Variants in DRC11 observed in about 807,000 individuals in gnomAD.
DRC11 encodes dynein regulatory complex subunit 11.
chr2:236,316,438 C>T, the DRC11 span, among the ~76,000 whole-genome samples: 1 of 152,200 alleles, frequency 6.6e-6, no homozygotes, highest in African/African-American at 2.4e-5. This position sits in a 1 kb window ranked among gnomAD's most constrained non-coding sequence, Gnocchi z 6.8. Flanking sequence ...GCTGGGATTA[C>T]AGGCATGAGC....
At chr2:236,494,161 T>C in the DRC11 span, among the ~76,000 whole-genome samples, 667 of 152,232 alleles carry the variant, frequency 4.4e-3, 7 homozygotes, top group African/African-American at 0.015. This position sits in a 1 kb window ranked among gnomAD's most constrained non-coding sequence, Gnocchi z 4.2. Flanking sequence ...TAACTAATGA[T>C]TACTTAATAG....
chr2:236,364,112 T>G, the DRC11 span: 1 of 737,720 alleles, frequency 1.4e-6, no homozygotes, highest in Non-Finnish European at 2.2e-6. Flanking sequence ...GTCCAAAGCA[T>G]TTCAAACCAG....
the DRC11 span, among the ~76,000 whole-genome samples, chr2:236,374,108 G>A: frequency 6.6e-6 from 1 of 152,080 alleles, no homozygotes; most frequent in Non-Finnish European, 1.5e-5. Flanking sequence ...ATTGCTCTCT[G>A]GTTATTTTGG....
At chr2:236,502,548 CA>C in the DRC11 span, among the ~76,000 whole-genome samples, 26 of 15,072 alleles carry the variant, frequency 1.7e-3, no homozygotes, top group Non-Finnish European at 4.2e-3. Context: ...TGCACTCCAG[CA>C]AAAAAAAAAA....
At chr2:236,456,539 G>A in the DRC11 span, among the ~76,000 whole-genome samples, 2 of 152,166 alleles carry the variant, frequency 1.3e-5, no homozygotes, top group African/African-American at 2.4e-5. This position sits in a 1 kb window ranked among gnomAD's most constrained non-coding sequence, Gnocchi z 5.4. Flanking sequence ...TCAAGCCCCC[G>A]AGTTTTCCCA....
chr2:236,470,458 C>G, the DRC11 span, among the ~76,000 whole-genome samples: 3 of 152,138 alleles, frequency 2.0e-5, no homozygotes, highest in African/African-American at 7.2e-5. This position sits in a 1 kb window ranked among gnomAD's most constrained non-coding sequence, Gnocchi z 5.1. Context: ...CATTAGGAAG[C>G]ACTTAGAGGC....
At chr2:236,361,544 TAA>T in the DRC11 span, among the ~76,000 whole-genome samples, 1 of 152,134 alleles carries the variant, frequency 6.6e-6, no homozygotes, top group Non-Finnish European at 1.5e-5. This position sits in a 1 kb window ranked among gnomAD's most constrained non-coding sequence, Gnocchi z 5.7. Context: ...ACAGAGATAA[TAA>T]ATGGATTATG....
chr2:236,484,624 A>T, the DRC11 span, among the ~76,000 whole-genome samples: 4 of 151,922 alleles, frequency 2.6e-5, no homozygotes, highest in Non-Finnish European at 5.9e-5. Flanking sequence ...GTAGCAAAGA[A>T]ATTCCAAGGG....
the DRC11 span, among the ~76,000 whole-genome samples, chr2:236,392,975 C>G: frequency 6.6e-6 from 1 of 152,122 alleles, no homozygotes; most frequent in Admixed American, 6.5e-5. This position sits in a 1 kb window ranked among gnomAD's most constrained non-coding sequence, Gnocchi z 5.1. Flanking sequence ...TGACCCTAGA[C>G]AAAGTAAGAA....
At chr2:236,486,634 A>ATGCAG in the DRC11 span, among the ~76,000 whole-genome samples, 3 of 152,200 alleles carry the variant, frequency 2.0e-5, no homozygotes, top group African/African-American at 7.2e-5. The surrounding 1 kb of genome is among the most constrained non-coding windows in gnomAD (Gnocchi z 5.7). Context: ...TCTTGCACAG[A>ATGCAG]AATGTATAAA....
At chr2:236,413,299 C>A in the DRC11 span, among the ~76,000 whole-genome samples, 1 of 152,146 alleles carries the variant, frequency 6.6e-6, no homozygotes, top group Non-Finnish European at 1.5e-5. The surrounding 1 kb of genome is among the most constrained non-coding windows in gnomAD (Gnocchi z 4.0). Flanking sequence ...CCATGGGGTC[C>A]CTGTTCCCTA....
the DRC11 span, among the ~76,000 whole-genome samples, chr2:236,346,959 G>A: frequency 2.0e-5 from 3 of 152,182 alleles, no homozygotes; most frequent in Non-Finnish European, 4.4e-5. Context: ...GTGAGCATGC[G>A]CACAACTCCA....
the DRC11 span, among the ~76,000 whole-genome samples, chr2:236,406,428 A>G: frequency 6.6e-6 from 1 of 152,206 alleles, no homozygotes; most frequent in African/African-American, 2.4e-5. The surrounding 1 kb of genome is among the most constrained non-coding windows in gnomAD (Gnocchi z 4.7). Flanking sequence ...GGAAAAATTC[A>G]AATAGGGCTG....
At chr2:236,440,345 GAT>G in the DRC11 span, among the ~76,000 whole-genome samples, 1 of 152,280 alleles carries the variant, frequency 6.6e-6, no homozygotes, top group African/African-American at 2.4e-5. Context: ...TTACTCAGGA[GAT>G]AAGACAAATT....
chr2:236,386,555 TTTTC>T, the DRC11 span, among the ~76,000 whole-genome samples: 5 of 152,330 alleles, frequency 3.3e-5, no homozygotes, highest in Admixed American at 6.5e-5. Flanking sequence ...TTCTCTCTTT[TTTTC>T]TTTATTAGTC....
chr2:236,437,614 A>T, the DRC11 span, among the ~76,000 whole-genome samples: 1 of 149,874 alleles, frequency 6.7e-6, no homozygotes, highest in Non-Finnish European at 1.5e-5. Flanking sequence ...TTGTTGCCTG[A>T]CTTTTTAATG....
chr2:236,323,221 C>A, the DRC11 span, among the ~76,000 whole-genome samples: 1 of 152,212 alleles, frequency 6.6e-6, no homozygotes, highest in African/African-American at 2.4e-5. This position sits in a 1 kb window ranked among gnomAD's most constrained non-coding sequence, Gnocchi z 6.4. Context: ...TCCCATGACA[C>A]GTGAAAGGAT....
At chr2:236,347,681 A>G in the DRC11 span, among the ~76,000 whole-genome samples, 3 of 152,000 alleles carry the variant, frequency 2.0e-5, no homozygotes, top group African/African-American at 7.2e-5. Context: ...TAAGAATGAT[A>G]CAATGGACTT....
At chr2:236,363,813 A>AT in the DRC11 span, 21 of 1,613,944 alleles carry the variant, frequency 1.3e-5, no homozygotes, top group Non-Finnish European at 1.8e-5. The surrounding 1 kb of genome is among the most constrained non-coding windows in gnomAD (Gnocchi z 5.6). Flanking sequence ...TTTGGAGGCC[A>AT]TTTTTGCCAG....
Sources: gnomAD v4.1 joint callset for allele counts (sites outside exome capture counted in the v4.1 genomes callset) on GRCh38, gnomAD v4.1.1 for gene constraint, Gnocchi (gnomAD v3.1) non-coding constraint, MANE v1.5 for transcripts, NCBI Gene and HGNC (gene_info 2026-07-23, HGNC 2026-07-21) for gene names.